Variants in SEPTIN12 observed in about 807,000 individuals in gnomAD.
SEPTIN12 encodes septin 12.
In SEPTIN12, 42 loss-of-function variants were observed where a neutral mutation model predicts 37.7. The ratio of observed to expected loss-of-function variants is 1.11; its 90% CI spans 0.87 to 1.44. SEPTIN12 has a LOEUF of 1.44. Ranked by LOEUF, SEPTIN12 falls within the 40% of genes most tolerant of loss-of-function variation. The pLI is 0.00. For synonymous variants in SEPTIN12, 254 were observed against 196.7 expected, an observed-to-expected ratio of 1.29 and a Z score of -2.44; for missense variants, 613 against 479.2, an observed-to-expected ratio of 1.28 and a Z score of -2.61.
At chr16:4,787,982 C>T (rs1437885811) in intron 1 of SEPTIN12, 1 of 258,084 alleles carries the variant, frequency 3.9e-6, no homozygotes, top group East Asian at 9.0e-5. Context: ...CAGGCAAAGT[C>T]CAGGATGGGT....
Position 4,777,727 on chromosome 16 carries a change from T to G in SEPTIN12, c.*70A>C. 2 of 1,093,006 alleles carry G rather than the reference T, an allele frequency of 1.8e-6. No individual in the cohort carries two copies. Among genetic ancestry groups the G allele is most frequent in the Non-Finnish European group, 2.6e-6 (2 of 774,704 alleles). The allele number at this position is 1,093,006 out of a possible 1,614,324, so 67.7% of individuals were successfully genotyped here. ...CAAGGCTCACATTTAATAGATGCTC[T>G]GGTACATAGGTGTGTGTTGAGAGCC... On this transcript the variant is annotated 3_prime_UTR_variant, in exon 10 of 10. Transcript: ENST00000268231.
In SEPTIN12 at chr16:4,785,792, A is replaced by AT; in HGVS notation, c.374+14_374+15insA. The AT allele has an allele frequency of 1.6e-5, 20 of 1,241,854 alleles. No individual in the cohort carries two copies. Among genetic ancestry groups the AT allele is most frequent in the Non-Finnish European group, 2.1e-5 (19 of 912,942 alleles). The allele number at this position is 1,241,854 out of a possible 1,614,324, so 76.9% of individuals were successfully genotyped here. On this transcript the variant is annotated intron_variant, in intron 4 of 9. Transcript: ENST00000268231. ...AAACTCTGCCTAAAAAAAAAAAAAA[A>AT]GAGAGAGAACCTACCAGTTGTCATT...
intron 4 of SEPTIN12, among the ~76,000 whole-genome samples, chr16:4,785,491 G>A (rs1233761954): frequency 6.6e-6 from 1 of 152,014 alleles, no homozygotes; most frequent in South Asian, 2.1e-4. Flanking sequence ...CCCACCACTT[G>A]TTGCGGGCAC....
Position 4,779,748 on chromosome 16 carries a change from C to T in SEPTIN12, c.765G>A (p.Glu255=), listed in dbSNP as rs1432976773. The T allele has an allele frequency of 6.8e-6, 11 of 1,613,740 alleles. No homozygotes were observed. The highest frequency in any genetic ancestry group is 9.3e-6 in the Non-Finnish European group (11 of 1,179,768). Residue 255 remains glutamate, a synonymous_variant, in exon 8 of 10, where the codon GAG becomes GAA. Coordinates refer to ENST00000268231, the MANE Select transcript of SEPTIN12 (RefSeq NM_144605.5). ...GGACACACCTCCCGTTCACCAGGTG[C>T]TCTTGGTCAGCCCCTACCACGGCAA... The part of the protein sequence containing the change: ...IPFAVVGADQ[E]HLVNGRCVLG...
Position 4,782,952 on chromosome 16 carries a change from C to G in SEPTIN12, c.726+510G>C, listed in dbSNP as rs534030907. Among the ~76,000 whole-genome samples, 3 of 150,542 alleles carry G rather than the reference C, an allele frequency of 2.0e-5. No homozygotes were observed. The South Asian group carries it at 6.3e-4, about 32-fold the overall frequency. ...TGGAGTTTCACTCTTCTTGCCCAGG[C>G]TGGAGTGCAATGGCGCCATCTCAGC... is the stretch of plus-strand genomic sequence containing the variant. On this transcript the variant is annotated intron_variant, in intron 7 of 9. Transcript: ENST00000268231.
rs376007922 is a variant in SEPTIN12 at position 4,783,726 on chromosome 16, G to A, written c.553C>T (p.Arg185Trp). ...ATCACGGGCACCACATTCACAGTCC[G>A]GCACAGCCGCTGCAGGAACTCAATG... is the stretch of plus-strand genomic sequence containing the variant. ...LDIEFLQRLC[R>W]TVNVVPVIAR... Residue 185 changes from arginine to tryptophan, a missense_variant, in exon 6 of 10, where the codon CGG becomes TGG. Arg to Trp is a moderately radical substitution (Grantham distance 101). Transcript: ENST00000268231. 12 of 1,613,922 alleles carry A rather than the reference G, an allele frequency of 7.4e-6. No homozygotes were observed. The highest frequency in any genetic ancestry group is 1.6e-4 in the Middle Eastern group (1 of 6,082).
At chr16:4,788,931 G>A (rs1253470141), upstream of SEPTIN12, among the ~76,000 whole-genome samples, 1 of 152,202 alleles carries the variant, frequency 6.6e-6, no homozygotes, top group Non-Finnish European at 1.5e-5. Flanking sequence ...TTATCACCCT[G>A]ACTTGAGATG....
At chr16:4,785,704 G>A (rs1567569114) in intron 4 of SEPTIN12, 103 bp downstream of exon 4, 1 of 803,346 alleles carries the variant, frequency 1.2e-6, no homozygotes, top group Admixed American at 2.1e-5. Context: ...CTTGAACCTG[G>A]GAGGTGGAGG....
At chr16:4,784,596 G>A (rs191775169) in intron 4 of SEPTIN12, among the ~76,000 whole-genome samples, 2 of 150,996 alleles carry the variant, frequency 1.3e-5, no homozygotes, top group Admixed American at 1.3e-4. Flanking sequence ...ATGGGGAAAC[G>A]CCAACTCTAC....
At chr16:4,783,600 C>T (rs762859929) in intron 6 of SEPTIN12, 43 bp from the exon 7 acceptor site, 6 of 1,611,666 alleles carry the variant, frequency 3.7e-6, no homozygotes, top group Non-Finnish European at 5.1e-6. Flanking sequence ...CCTGCCCACT[C>T]TGCCCTCTGC....
upstream of SEPTIN12, among the ~76,000 whole-genome samples, chr16:4,791,659 G>A (rs1419770585): frequency 1.3e-5 from 2 of 152,046 alleles, no homozygotes; most frequent in African/African-American, 4.8e-5. Flanking sequence ...TTACTGTCCT[G>A]CCTGGGACTG....
chr16:4,784,141 C>G (rs1325878267), intron 4 of SEPTIN12, 73 bp from the exon 5 acceptor site: 2 of 1,573,038 alleles, frequency 1.3e-6, no homozygotes, highest in Admixed American at 1.7e-5. Context: ...CCTCTGTGTC[C>G]TCTGGGCGGT....
intron 7 of SEPTIN12, among the ~76,000 whole-genome samples, chr16:4,781,772 G>A (rs111739635): frequency 0.11 from 16,637 of 149,996 alleles, 1,132 homozygotes; most frequent in Middle Eastern, 0.23. Flanking sequence ...AGCCTCCTAA[G>A]TAGCTGGGAT....
intron 7 of SEPTIN12, 132 bp from the exon 8 acceptor site, chr16:4,779,918 A>C (rs2082354914): frequency 1.5e-5 from 10 of 683,830 alleles, no homozygotes; most frequent in South Asian, 1.1e-4. Flanking sequence ...AAGTGCACAG[A>C]ATTCCCAAGT....
At chr16:4,787,889 G>T in intron 1 of SEPTIN12, 1 of 504,732 alleles carries the variant, frequency 2.0e-6, no homozygotes, top group South Asian at 2.3e-5. Flanking sequence ...GAGAGGCTCC[G>T]CTGCCCAAGG....
chr16:4,787,919 A>G (rs1331538072), intron 1 of SEPTIN12: 13 of 387,966 alleles, frequency 3.4e-5, no homozygotes, highest in African/African-American at 1.8e-4. Context: ...GTCCCCACCT[A>G]CAGCCCAGGC....
In SEPTIN12 at chr16:4,783,308, C is replaced by G. The variant is rs1248915053; in HGVS notation, c.726+154G>C. ...GGGTTGTTAGTGTGAGCTGTTATTTCTTGCTCACCTTGAGCTTGTGGATGA... is the reference window on the plus strand; with the variant it reads ...GGGTTGTTAGTGTGAGCTGTTATTTGTTGCTCACCTTGAGCTTGTGGATGA... On this transcript the variant is annotated intron_variant, in intron 7 of 9. Coordinates refer to ENST00000268231, the MANE Select transcript of SEPTIN12 (RefSeq NM_144605.5). 7.6e-6 allele frequency: 5 copies of G among 660,938 alleles called. No individual in the cohort carries two copies. In the Admixed American group the frequency reaches 1.2e-4, roughly 16 times the overall value. 40.9% of individuals were successfully genotyped at this position (660,938 alleles called of 1,614,324 possible).
rs140969211 is a variant in SEPTIN12, at chr16:4,783,668, C to G, written c.611G>C (p.Arg204Pro). The G allele has an allele frequency of 6.2e-7, 1 of 1,613,958 alleles. No homozygotes were observed. Among genetic ancestry groups the G allele is most frequent in the Non-Finnish European group, 8.5e-7 (1 of 1,180,014 alleles). Residue 204 changes from arginine to proline, a missense_variant, in exon 6 of 10, where the codon CGA becomes CCA. Transcript: ENST00000268231. ...GATCACCCTGCGCCTGAAGGCCTCT[C>G]GCTCCTCCATGGTCAGGCTGTCGGC... ...ARADSLTMEE[R>P]EAFRRRIQQN...
At chr16:4,785,616 A>G (rs2082428555) in intron 4 of SEPTIN12, 191 bp downstream of exon 4, 1 of 567,584 alleles carries the variant, frequency 1.8e-6, no homozygotes, top group Non-Finnish European at 3.2e-6. Context: ...TCAACTAAAA[A>G]TACAAAAAAA....
Sources: gnomAD v4.1 joint callset for allele counts (sites outside exome capture counted in the v4.1 genomes callset) on GRCh38, gnomAD v4.1.1 for gene constraint, MANE v1.5 for transcripts, NCBI Gene and HGNC (gene_info 2026-07-23, HGNC 2026-07-21) for gene names.